Variants in ENOX1 observed in about 807,000 individuals in gnomAD.
ENOX1 encodes ecto-NOX disulfide-thiol exchanger 1.
In ENOX1, 42 loss-of-function variants were observed where a neutral mutation model predicts 82.5. That is an observed-to-expected ratio of 0.51 (90% CI 0.40 to 0.66). The LOEUF (loss-of-function observed/expected upper bound fraction) is 0.66. Among genes scored for constraint, ENOX1 ranks in the 30% least tolerant of loss-of-function variants. ENOX1 has a pLI of 0.00. For synonymous variants in ENOX1, 271 were observed against 282.2 expected (o/e 0.96, Z 0.40); for missense variants, 608 against 811.6 (o/e 0.75, Z 3.05).
intron 14 of ENOX1, among the ~76,000 whole-genome samples, chr13:43,238,030 T>C (rs2042633587): frequency 6.6e-6 from 1 of 152,082 alleles, no homozygotes. Context: ...GAAATGAAAA[T>C]GGATAAGGTA....
chr13:43,460,336 T>C (rs1351540718), intron 3 of ENOX1, among the ~76,000 whole-genome samples: 3 of 152,296 alleles, frequency 2.0e-5, no homozygotes, highest in African/African-American at 7.2e-5. Flanking sequence ...TCTGTTTCTA[T>C]TTTTTTCATT....
intron 1 of ENOX1, among the ~76,000 whole-genome samples, chr13:43,681,915 C>A (rs1391373161): frequency 6.6e-6 from 1 of 152,002 alleles, no homozygotes; most frequent in African/African-American, 2.4e-5. Context: ...CACTGCCTGC[C>A]CATTGTACTC....
At chr13:43,429,866 T>C (rs2055554995) in intron 3 of ENOX1, among the ~76,000 whole-genome samples, 1 of 152,214 alleles carries the variant, frequency 6.6e-6, no homozygotes, top group South Asian at 2.1e-4. Context: ...GAAAAGGTAA[T>C]TTCCAAAATA....
intron 16 of ENOX1, among the ~76,000 whole-genome samples, 196 bp from the exon 17 acceptor site, chr13:43,214,317 T>C (rs1313480073): frequency 6.6e-6 from 1 of 151,976 alleles, no homozygotes; most frequent in African/African-American, 2.4e-5. Flanking sequence ...GCTGGCGGGG[T>C]GGGGCGTGGG....
At chr13:43,619,943 T>C (rs764314694) in intron 2 of ENOX1, among the ~76,000 whole-genome samples, 1 of 152,180 alleles carries the variant, frequency 6.6e-6, no homozygotes, top group Non-Finnish European at 1.5e-5. Context: ...TTGCTATTGG[T>C]CTGTTCAGGG....
intron 2 of ENOX1, among the ~76,000 whole-genome samples, chr13:43,653,551 GC>G (rs1348612779): frequency 2.0e-5 from 3 of 152,146 alleles, no homozygotes; most frequent in Non-Finnish European, 4.4e-5. Flanking sequence ...GAATTTGCAT[GC>G]ATATTACATG....
At chr13:43,624,546 T>C (rs546082753) in intron 2 of ENOX1, among the ~76,000 whole-genome samples, 1 of 152,268 alleles carries the variant, frequency 6.6e-6, no homozygotes, top group East Asian at 1.9e-4. Context: ...ATTAAGTCCA[T>C]AATCCATTTC....
chr13:43,501,726 A>G (rs1322176713), intron 2 of ENOX1, among the ~76,000 whole-genome samples: 2 of 151,386 alleles, frequency 1.3e-5, no homozygotes, highest in East Asian at 1.9e-4. Context: ...AAAATATACT[A>G]AAACTTATTG....
At chr13:43,672,675 T>C (rs1434517838) in intron 1 of ENOX1, among the ~76,000 whole-genome samples, 1 of 152,154 alleles carries the variant, frequency 6.6e-6, no homozygotes, top group Non-Finnish European at 1.5e-5. Context: ...TTTGTTACCA[T>C]TCAACAAACA....
intron 14 of ENOX1, among the ~76,000 whole-genome samples, chr13:43,249,331 C>A (rs1031767822): frequency 2.6e-5 from 4 of 152,098 alleles, no homozygotes; most frequent in Admixed American, 2.6e-4. Flanking sequence ...GAAAATGTAA[C>A]CCACACTGCT....
intron 3 of ENOX1, among the ~76,000 whole-genome samples, chr13:43,451,868 C>T (rs2056986043): frequency 6.6e-6 from 1 of 152,100 alleles, no homozygotes; most frequent in African/African-American, 2.4e-5. Flanking sequence ...AGGTTATATT[C>T]CAGTATGAAG....
intron 5 of ENOX1, among the ~76,000 whole-genome samples, chr13:43,396,729 A>G (rs1417102361): frequency 6.6e-6 from 1 of 152,126 alleles, no homozygotes; most frequent in Non-Finnish European, 1.5e-5. Context: ...TCCTGTCAAA[A>G]GTTACCATGT....
At chr13:43,353,530 A>G (rs1280920318) in intron 8 of ENOX1, among the ~76,000 whole-genome samples, 1 of 152,238 alleles carries the variant, frequency 6.6e-6, no homozygotes, top group African/African-American at 2.4e-5. Flanking sequence ...TCCCCACATC[A>G]ATGAAATCAT....
At chr13:43,678,798 C>T (rs1013542190) in intron 1 of ENOX1, among the ~76,000 whole-genome samples, 2 of 152,152 alleles carry the variant, frequency 1.3e-5, no homozygotes, top group African/African-American at 2.4e-5. Context: ...ATCCTCTCTC[C>T]TCTCTCTGTC....
chr13:43,507,374 G>A (rs1239893561), intron 2 of ENOX1, among the ~76,000 whole-genome samples: 1 of 151,938 alleles, frequency 6.6e-6, no homozygotes, highest in Non-Finnish European at 1.5e-5. Context: ...AACCAGATAT[G>A]TTTTTGTAAG....
At position 43,747,862 on chromosome 13, in the gene ENOX1, T is replaced by C. The variant is rs538534420; in HGVS notation, c.-285+38790A>G. On this transcript the variant is annotated intron_variant, in intron 1 of 16. Coordinates refer to ENST00000690772, the MANE Select transcript of ENOX1 (RefSeq NM_001347969.2). ...ATTCATGGAAGTTCTTGAATTCAGA[T>C]GGAAAAAAATCAGATCTTTTGTCAC... is the stretch of plus-strand genomic sequence containing the variant. Among the ~76,000 whole-genome samples, 3 of 152,324 alleles carry C rather than the reference T, an allele frequency of 2.0e-5. No homozygotes were observed. The South Asian group carries it at 6.2e-4, about 32-fold the overall frequency.
chr13:43,674,525 G>A (rs572612075), intron 1 of ENOX1, among the ~76,000 whole-genome samples: 31 of 152,190 alleles, frequency 2.0e-4, no homozygotes, highest in African/African-American at 6.7e-4. Context: ...GACATTGAGG[G>A]AAAACTCAAA....
chr13:43,765,381 GTTC>G (rs1951206741), intron 1 of ENOX1, among the ~76,000 whole-genome samples: 1 of 152,076 alleles, frequency 6.6e-6, no homozygotes, highest in Non-Finnish European at 1.5e-5. Flanking sequence ...GACATACTGT[GTTC>G]TTCTGTGTCT....
intron 2 of ENOX1, among the ~76,000 whole-genome samples, chr13:43,534,782 CACTAGCA>C (rs993765346): frequency 1.3e-5 from 2 of 152,060 alleles, no homozygotes; most frequent in Non-Finnish European, 2.9e-5. Flanking sequence ...GGGGTGTTGC[CACTAGCA>C]ACTAGTAAGC....
Sources: gnomAD v4.1 joint callset for allele counts (sites outside exome capture counted in the v4.1 genomes callset) on GRCh38, gnomAD v4.1.1 for gene constraint, MANE v1.5 for transcripts, NCBI Gene and HGNC (gene_info 2026-07-23, HGNC 2026-07-21) for gene names.